Variants in DPP10 observed in about 807,000 individuals in gnomAD.
The protein encoded by DPP10 is dipeptidyl peptidase like 10.
A neutral mutation model predicts 120.9 loss-of-function variants in DPP10; 33 were observed. The observed-to-expected ratio is 0.27, with a 90% CI of 0.21 to 0.37. The LOEUF (loss-of-function observed/expected upper bound fraction) is 0.37, where lower values mean the gene tolerates loss of function less well. Ranked by LOEUF, DPP10 falls within the 10% of genes least tolerant of loss-of-function variation. The probability of loss-of-function intolerance (pLI) is 1.00; values close to 1 mark genes in which losing one functional copy is unlikely to be tolerated. For synonymous variants in DPP10, 337 were observed against 326.1 expected (o/e 1.03, Z -0.36); for missense variants, 816 against 942.8 (o/e 0.87, Z 1.76).
intron 1 of DPP10, among the ~76,000 whole-genome samples, chr2:115,151,141 G>C (rs779147635): frequency 1.3e-5 from 2 of 151,816 alleles, no homozygotes; most frequent in African/African-American, 4.8e-5. Flanking sequence ...TAAAACCTCC[G>C]GTCCATATTG....
chr2:114,602,617 A>G (rs1692462738), intron 1 of DPP10, among the ~76,000 whole-genome samples: 2 of 151,980 alleles, frequency 1.3e-5, no homozygotes, highest in Non-Finnish European at 2.9e-5. Flanking sequence ...GCTGATCTGA[A>G]CAAAATCAGT....
chr2:115,824,234 T>C (rs1409650522), intron 21 of DPP10, among the ~76,000 whole-genome samples: 3 of 152,180 alleles, frequency 2.0e-5, no homozygotes, highest in African/African-American at 7.2e-5. Flanking sequence ...TTTTTGCTTT[T>C]GAGTATGGAA....
At chr2:115,800,497 T>A (rs1378901837) in intron 19 of DPP10, among the ~76,000 whole-genome samples, 1 of 152,230 alleles carries the variant, frequency 6.6e-6, no homozygotes, top group East Asian at 1.9e-4. Flanking sequence ...ATTTTAGACA[T>A]GAAGTCCTTG....
At chr2:115,142,306 C>A (rs1292753128) in intron 1 of DPP10, among the ~76,000 whole-genome samples, 1 of 152,082 alleles carries the variant, frequency 6.6e-6, no homozygotes, top group Non-Finnish European at 1.5e-5. Context: ...GGGACTCAAG[C>A]AAGGGTAGTA....
chr2:115,186,844 T>C (rs1324457533), intron 1 of DPP10, among the ~76,000 whole-genome samples: 1 of 152,004 alleles, frequency 6.6e-6, no homozygotes, highest in Non-Finnish European at 1.5e-5. Flanking sequence ...GTAACTGGCA[T>C]GGCTGACTTT....
rs552910715 is a variant in DPP10, at chr2:114,554,684, G to A, written c.60+111846G>A. On this transcript the variant is annotated intron_variant, in intron 1 of 25. Transcript: ENST00000410059. Reference sequence around the variant, plus strand: ...CACACTATCTAATAAGTGGAGACATGGCATGTCCTCAAAACATCTCCCTTA... The same window carrying A: ...CACACTATCTAATAAGTGGAGACATAGCATGTCCTCAAAACATCTCCCTTA... 8.5e-4 allele frequency among the ~76,000 whole-genome samples: 130 copies of A among 152,244 alleles called. 1 individual carries two copies. The highest frequency in any genetic ancestry group is 3.4e-3 in the Middle Eastern group (1 of 294).
chr2:115,115,839 A>G (rs959982234), intron 1 of DPP10, among the ~76,000 whole-genome samples: 3 of 152,204 alleles, frequency 2.0e-5, no homozygotes, highest in Non-Finnish European at 2.9e-5. Context: ...TGGTGATGTT[A>G]ATTAGCACAG....
chr2:115,105,080 A>T (rs2048882057), intron 1 of DPP10, among the ~76,000 whole-genome samples: 2 of 152,178 alleles, frequency 1.3e-5, no homozygotes, highest in South Asian at 4.1e-4. Context: ...TTACAAGGAA[A>T]TAACCTAGTT....
rs145032229 is a variant in DPP10 at position 114,912,136 on chromosome 2, T to TCA, written c.61-397086_61-397085dup. 4.9e-3 allele frequency among the ~76,000 whole-genome samples: 740 copies of TCA among 150,018 alleles called. 2 individuals carry two copies. The highest frequency in any genetic ancestry group is 0.016 in the African/African-American group (675 of 41,092). On this transcript the variant is annotated intron_variant, in intron 1 of 25. Transcript: ENST00000410059. The stretch of plus-strand genomic sequence containing the variant: ...TCATCTTAGATACATACATTTGCAC[T>TCA]CACACACACACACACACATGCATAT...
chr2:114,594,659 G>A (rs183816067), intron 1 of DPP10, among the ~76,000 whole-genome samples: 102 of 151,136 alleles, frequency 6.7e-4, no homozygotes, highest in Admixed American at 1.9e-3. Context: ...GTCAAAAGAA[G>A]CAGGGGATAC....
chr2:114,873,246 G>A (rs553984171), intron 1 of DPP10, among the ~76,000 whole-genome samples: 4 of 152,216 alleles, frequency 2.6e-5, no homozygotes, highest in African/African-American at 9.6e-5. Context: ...TCAAAAGGTG[G>A]CACATGTTCC....
intron 7 of DPP10, among the ~76,000 whole-genome samples, chr2:115,706,586 CT>C (rs2092118061): frequency 6.6e-6 from 1 of 151,974 alleles, no homozygotes; most frequent in African/African-American, 2.4e-5. Flanking sequence ...ATATTAGACT[CT>C]TTCTGTATCA....
At chr2:114,925,210 C>CAAAAAA (rs66986816) in intron 1 of DPP10, among the ~76,000 whole-genome samples, 2 of 104,820 alleles carry the variant, frequency 1.9e-5, no homozygotes, top group African/African-American at 3.9e-5. Context: ...GACTCTGTCT[C>CAAAAAA]AAAAAAAAAA....
chr2:115,112,700 C>T (rs1432064170), intron 1 of DPP10, among the ~76,000 whole-genome samples: 1 of 152,012 alleles, frequency 6.6e-6, no homozygotes. Flanking sequence ...TGGTGGTTAC[C>T]AGAGGCTGAG....
At chr2:115,288,401 A>C (rs1296931418) in intron 1 of DPP10, among the ~76,000 whole-genome samples, 6 of 152,022 alleles carry the variant, frequency 3.9e-5, no homozygotes, top group African/African-American at 2.4e-5. Flanking sequence ...ATTCAATAAA[A>C]TCCAACATCT....
intron 1 of DPP10, among the ~76,000 whole-genome samples, chr2:115,265,208 A>G (rs1283356266): frequency 1.3e-5 from 2 of 151,368 alleles, no homozygotes; most frequent in African/African-American, 4.9e-5. Context: ...CATTTCTCCC[A>G]TTCAATATGT....
intron 1 of DPP10, among the ~76,000 whole-genome samples, chr2:115,194,438 T>C (rs541701409): frequency 2.6e-5 from 4 of 152,146 alleles, no homozygotes; most frequent in Non-Finnish European, 5.9e-5. Context: ...TAAGGATTTT[T>C]GATAGGAAGG....
intron 1 of DPP10, among the ~76,000 whole-genome samples, chr2:114,659,518 C>T (rs1313300046): frequency 1.3e-5 from 2 of 151,870 alleles, no homozygotes; most frequent in African/African-American, 4.8e-5. Context: ...AGGCCTACTT[C>T]TATTTTTTTT....
intron 1 of DPP10, among the ~76,000 whole-genome samples, chr2:114,701,917 C>G (rs887657222): frequency 6.6e-6 from 1 of 152,028 alleles, no homozygotes; most frequent in African/African-American, 2.4e-5. Flanking sequence ...TCAGCGCAAG[C>G]CTAGAGAGAT....
Sources: gnomAD v4.1 joint callset for allele counts (sites outside exome capture counted in the v4.1 genomes callset) on GRCh38, gnomAD v4.1.1 for gene constraint, MANE v1.5 for transcripts, NCBI Gene and HGNC (gene_info 2026-07-23, HGNC 2026-07-21) for gene names.